The following ERCC6 variants were observed in gnomAD, a reference collection of about 807,000 sequenced individuals.
The protein encoded by ERCC6 is ERCC excision repair 6, chromatin remodeling factor.
ERCC6 carries 116 observed loss-of-function variants against 158.7 expected under a neutral mutation model. The observed-to-expected ratio is 0.73, with a 90% CI of 0.63 to 0.85. ERCC6 has a LOEUF of 0.85. ERCC6 is among the 40% of genes least tolerant of loss of function. ERCC6 has a pLI of 0.00. For synonymous variants in ERCC6, 678 were observed against 659.3 expected (o/e 1.03, Z -0.43); for missense variants, 1,698 against 1,799.4 (o/e 0.94, Z 1.02).
chr10:49,514,404 T>C (rs1318436053), intron 5 of ERCC6, among the ~76,000 whole-genome samples: 1 of 152,074 alleles, frequency 6.6e-6, no homozygotes, highest in African/African-American at 2.4e-5. Flanking sequence ...AGGGACAAAA[T>C]ACACATATTA....
intron 11 of ERCC6, among the ~76,000 whole-genome samples, chr10:49,477,028 C>G (rs1289775196): frequency 6.6e-6 from 1 of 152,148 alleles, no homozygotes; most frequent in Non-Finnish European, 1.5e-5. Flanking sequence ...TCATACATGG[C>G]AGCATCCTGC....
chr10:49,438,769 TGG>T, the ERCC6 span, among the ~76,000 whole-genome samples: 2 of 152,134 alleles, frequency 1.3e-5, no homozygotes, highest in African/African-American at 2.4e-5. Flanking sequence ...CTACATAGAA[TGG>T]AGGTACAGGT....
chr10:49,468,920 C>T (rs1387653746), intron 18 of ERCC6, among the ~76,000 whole-genome samples: 1 of 152,016 alleles, frequency 6.6e-6, no homozygotes, highest in Non-Finnish European at 1.5e-5. Flanking sequence ...GAGCTCCCAC[C>T]CATGAGGCAA....
intron 5 of ERCC6, among the ~76,000 whole-genome samples, chr10:49,512,614 T>C (rs1038082770): frequency 3.3e-5 from 5 of 152,210 alleles, no homozygotes; most frequent in African/African-American, 4.8e-5. Context: ...CTATGATACG[T>C]TGAACAGCCC....
intron 5 of ERCC6, among the ~76,000 whole-genome samples, chr10:49,521,952 TAA>T (rs1459407250): frequency 6.6e-6 from 1 of 152,132 alleles, no homozygotes; most frequent in African/African-American, 2.4e-5. Flanking sequence ...GCTGAGAGAA[TAA>T]AGAGGATGAG....
Position 49,534,147 on chromosome 10 carries a change from A to AC in ERCC6, c.-14-1170_-14-1169insG, listed in dbSNP as rs1267358956. ...AGACTCAATCTCAAAAAAAAAAAAA[A>AC]AAAAAAACAAAAAAAAAACTCCATT... On this transcript the variant is annotated intron_variant, in intron 1 of 20. Transcript: ENST00000355832. 5.3e-3 allele frequency among the ~76,000 whole-genome samples: 797 copies of AC among 149,076 alleles called. 4 individuals carry two copies. The highest frequency in any genetic ancestry group is 6.5e-3 in the Non-Finnish European group (434 of 67,236).
downstream of ERCC6, among the ~76,000 whole-genome samples, chr10:49,450,616 T>G (rs764076827): frequency 3.3e-5 from 5 of 152,212 alleles, no homozygotes; most frequent in Non-Finnish European, 7.3e-5. Context: ...CAGCATTAAC[T>G]CTTCTGATCC....
intron 15 of ERCC6, 185 bp from the exon 16 acceptor site, chr10:49,472,655 G>GA (rs1850801967): frequency 6.8e-6 from 5 of 740,562 alleles, no homozygotes; most frequent in African/African-American, 3.5e-5. Context: ...ATCTCTACTT[G>GA]AAAAAATGTT....
chr10:49,449,622 G>A (rs770339956), downstream of ERCC6, among the ~76,000 whole-genome samples: 8 of 123,376 alleles, frequency 6.5e-5, no homozygotes, highest in Admixed American at 3.0e-4. Context: ...AGGCTGGAAC[G>A]CAGTGGCACA....
At chr10:49,447,672 C>G in the ERCC6 span, among the ~76,000 whole-genome samples, 18 of 151,496 alleles carry the variant, frequency 1.2e-4, no homozygotes, top group African/African-American at 4.4e-4. Flanking sequence ...CCACTGCACT[C>G]CAGCCTGGGC....
chr10:49,511,368 C>A (rs142206454), intron 5 of ERCC6, among the ~76,000 whole-genome samples: 1 of 151,780 alleles, frequency 6.6e-6, no homozygotes, highest in Admixed American at 6.6e-5. Flanking sequence ...TTAATCTATA[C>A]ATGTAAAAGT....
chr10:49,530,738 T>A lies in ERCC6; in HGVS notation c.525A>T (p.Lys175Asn). The change falls in exon 3 of 21, where the codon AAA (lysine) becomes AAT (asparagine). Residue 175 changes from lysine to asparagine, a missense_variant. Lys to Asn is a moderately conservative substitution (Grantham distance 94, BLOSUM62 0). Coordinates refer to ENST00000355832, the MANE Select transcript of ERCC6 (RefSeq NM_000124.4). ...GAATCACCTTATTATACTTCTGTCGTTTTACAGAATCTAGTTTCCTGTTGA... is the reference window on the plus strand; with the variant it reads ...GAATCACCTTATTATACTTCTGTCGATTTACAGAATCTAGTTTCCTGTTGA... The part of the protein sequence containing the change: ...RDINRKLDSV[K>N]RQKYNKEQQL... The A allele has an allele frequency of 1.2e-6, 2 of 1,613,646 alleles. No homozygotes were observed. The highest frequency in any genetic ancestry group is 1.7e-6 in the Non-Finnish European group (2 of 1,179,840).
intron 8 of ERCC6, among the ~76,000 whole-genome samples, chr10:49,492,783 T>C (rs1851197122): frequency 1.3e-5 from 2 of 152,232 alleles, no homozygotes; most frequent in Admixed American, 6.5e-5. Context: ...AAGCCACTAA[T>C]GCGCAAAGTC....
At chr10:49,532,468 A>C in intron 2 of ERCC6, 75 bp downstream of exon 2, 2 of 1,596,388 alleles carry the variant, frequency 1.3e-6, no homozygotes, top group Non-Finnish European at 1.7e-6. Context: ...CTGGAATACT[A>C]GAGCTTTCCA....
chr10:49,437,030 G>C, the ERCC6 span, among the ~76,000 whole-genome samples: 1 of 152,160 alleles, frequency 6.6e-6, no homozygotes. Flanking sequence ...GAAGCACCCG[G>C]TGAGAGATGA....
the ERCC6 span, among the ~76,000 whole-genome samples, chr10:49,435,328 G>C: frequency 2.0e-5 from 3 of 152,200 alleles, no homozygotes; most frequent in South Asian, 6.2e-4. Flanking sequence ...GATTAGCAAG[G>C]ACACAGAAAA....
At chr10:49,483,576 A>G in intron 8 of ERCC6, 60 bp from the exon 9 acceptor site, 1 of 1,508,432 alleles carries the variant, frequency 6.6e-7, no homozygotes, top group African/African-American at 1.4e-5. Context: ...CCTTTCAATC[A>G]TGACACAATC....
intron 16 of ERCC6, among the ~76,000 whole-genome samples, chr10:49,471,909 G>A (rs963017635): frequency 6.6e-5 from 10 of 152,146 alleles, no homozygotes; most frequent in African/African-American, 2.4e-4. Flanking sequence ...TAGTCATTAT[G>A]GAAAGACAGA....
At chr10:49,460,724 T>C (rs1374040510) in intron 19 of ERCC6, among the ~76,000 whole-genome samples, 1 of 152,044 alleles carries the variant, frequency 6.6e-6, no homozygotes, top group African/African-American at 2.4e-5. Flanking sequence ...AGGTCGAGAC[T>C]AGCCTGGCCA....
Sources: allele counts gnomAD v4.1 joint callset (sites outside exome capture counted in the v4.1 genomes callset), GRCh38; gene constraint gnomAD v4.1.1; transcripts MANE v1.5; gene names NCBI Gene and HGNC (gene_info 2026-07-23, HGNC 2026-07-21).